The following FN1 variants were observed in gnomAD, a reference collection of about 807,000 sequenced individuals.
FN1 encodes the protein fibronectin 1.
In FN1, 106 loss-of-function variants were observed where a neutral mutation model predicts 297.3. The ratio of observed to expected loss-of-function variants is 0.36; its 90% CI spans 0.30 to 0.42. The LOEUF (loss-of-function observed/expected upper bound fraction) is 0.42, where lower values mean the gene tolerates loss of function less well. FN1 is among the 10% of genes least tolerant of loss of function. The probability of loss-of-function intolerance (pLI) is 1.00; values close to 1 mark genes in which losing one functional copy is unlikely to be tolerated. For missense variants in FN1, 2,690 were observed against 3,124.9 expected, an observed-to-expected ratio of 0.86 and a Z score of 3.32; for synonymous variants, 1,149 against 1,152.6, an observed-to-expected ratio of 1.00 and a Z score of 0.06.
In FN1 at chr2:215,404,413, T is replaced by C; in HGVS notation, c.3229A>G (p.Lys1077Glu). Residue 1077 changes from lysine (K) to glutamate (E), a missense_variant, in exon 20 of 46, where the codon AAA (lysine) becomes GAA (glutamate). Around this residue, in one of 3 missense-constraint regions of FN1, gnomAD observed 1,743 missense variants for 1,945.2 expected, o/e 0.90. Transcript: ENST00000354785. The part of the protein sequence containing the change: ...VAIKGNQESP[K>E]ATGVFTTLQP... ...CGTGTGGTAAAGACTCCAGTGGCTT[T>C]GGGGCTCTCTTGGTTGCCCTTTATG... 6.2e-7 allele frequency: 1 copy of C among 1,614,172 alleles called. No individual in the cohort carries two copies. The highest frequency in any genetic ancestry group is 8.5e-7 in the Non-Finnish European group (1 of 1,180,008).
At chr2:215,375,774 C>G (rs1471768307) in intron 36 of FN1, 56 bp from the exon 37 acceptor site, 1 of 1,154,644 alleles carries the variant, frequency 8.7e-7, no homozygotes, top group Non-Finnish European at 1.3e-6. Context: ...TAGGAGAATT[C>G]TCAAGCTAGC....
chr2:215,436,032 C>T lies in FN1; in HGVS notation c.-230G>A, dbSNP rs1432091501. ...CCTCTTCCCGCTCGCGCCTGGGGTTCCCTCTCCTCCCCCTGTGCAGCACAG... is the reference window on the plus strand; with the variant it reads ...CCTCTTCCCGCTCGCGCCTGGGGTTTCCTCTCCTCCCCCTGTGCAGCACAG... On this transcript the variant is annotated 5_prime_UTR_variant, in exon 1 of 46. Transcript: ENST00000354785. 1 of 874,900 alleles carries T rather than the reference C, an allele frequency of 1.1e-6. No individual in the cohort carries two copies. The allele number at this position is 874,900 out of a possible 1,614,324, so 54.2% of individuals were successfully genotyped here.
In FN1 at chr2:215,375,219, A is replaced by G; in HGVS notation, c.6152T>C (p.Ile2051Thr). 6.2e-7 allele frequency: 1 copy of G among 1,614,126 alleles called. No individual in the cohort carries two copies. The highest frequency in any genetic ancestry group is 8.5e-7 in the Non-Finnish European group (1 of 1,179,972). ...CAGCATGGAAGCAGCAATACCAGTA[A>G]TAGTAGCCTCTGTGACACCAGGGCG... is the stretch of plus-strand genomic sequence containing the variant. ...RPRPGVTEATITGLEPGTEYT... is the reference protein window; with the variant it reads ...RPRPGVTEATTTGLEPGTEYT... The change falls in exon 38 of 46, where the codon ATT becomes ACT. Residue 2051 changes from isoleucine to threonine, a missense_variant. Ile to Thr is a moderately conservative substitution (Grantham distance 89, BLOSUM62 -1). Around this residue, in one of 3 missense-constraint regions of FN1, gnomAD observed 1,743 missense variants for 1,945.2 expected, o/e 0.90. Transcript: ENST00000354785.
At chr2:215,415,821 A>G (rs2063358601) in intron 12 of FN1, among the ~76,000 whole-genome samples, 1 of 152,154 alleles carries the variant, frequency 6.6e-6, no homozygotes, top group African/African-American at 2.4e-5. Context: ...ACTCCATTTA[A>G]GATAATAATG....
At chr2:215,411,345 C>T (rs1200209370) in intron 13 of FN1, among the ~76,000 whole-genome samples, 3 of 152,142 alleles carry the variant, frequency 2.0e-5, no homozygotes, top group Non-Finnish European at 4.4e-5. Context: ...AAAAATTACC[C>T]AGTCAACCAT....
chr2:215,400,870 A>G (rs1423203927), intron 20 of FN1, among the ~76,000 whole-genome samples: 1 of 149,698 alleles, frequency 6.7e-6, no homozygotes, highest in African/African-American at 2.5e-5. Context: ...ATCTCATCTC[A>G]CTGTAACCTC....
intron 26 of FN1, among the ~76,000 whole-genome samples, chr2:215,390,078 A>G (rs1436597083): frequency 2.6e-5 from 4 of 152,242 alleles, no homozygotes; most frequent in East Asian, 3.8e-4. Context: ...AAAGTTTGGA[A>G]AAGTGCCAGA....
chr2:215,396,409 G>A (rs921770432), intron 23 of FN1, among the ~76,000 whole-genome samples: 6 of 151,884 alleles, frequency 4.0e-5, no homozygotes, highest in African/African-American at 9.7e-5. Flanking sequence ...ATACATTTTA[G>A]CATTTTATAA....
intron 5 of FN1, among the ~76,000 whole-genome samples, chr2:215,429,225 C>T (rs982466505): frequency 6.6e-6 from 1 of 152,148 alleles, no homozygotes; most frequent in Admixed American, 6.5e-5. Context: ...TTCCCCTATA[C>T]CCAAACATCT....
intron 27 of FN1, among the ~76,000 whole-genome samples, 167 bp downstream of exon 27, chr2:215,388,045 G>GT (rs1399505484): frequency 6.6e-6 from 1 of 152,166 alleles, no homozygotes; most frequent in East Asian, 1.9e-4. Flanking sequence ...GTTGAGTAAG[G>GT]TATCTTTTAG....
At chr2:215,407,947 A>G (rs55902160) in intron 17 of FN1, among the ~76,000 whole-genome samples, 161 bp downstream of exon 17, 21 of 118,870 alleles carry the variant, frequency 1.8e-4, no homozygotes, top group Middle Eastern at 4.3e-3. Flanking sequence ...TAACTCCCCC[A>G]CCCCCGCCAC....
At chr2:215,427,105 G>C (rs138618465) in intron 6 of FN1, among the ~76,000 whole-genome samples, 7 of 152,072 alleles carry the variant, frequency 4.6e-5, no homozygotes, top group Admixed American at 2.6e-4. Context: ...TTGATCTCCT[G>C]ACCTCGTGAT....
chr2:215,412,407 A>T (rs58298905), intron 13 of FN1, among the ~76,000 whole-genome samples: 1 of 151,766 alleles, frequency 6.6e-6, no homozygotes, highest in Non-Finnish European at 1.5e-5. Flanking sequence ...ATATTTACAG[A>T]GTCTTTAATA....
chr2:215,412,147 C>T (rs1382322953), intron 13 of FN1, among the ~76,000 whole-genome samples: 1 of 151,322 alleles, frequency 6.6e-6, no homozygotes, highest in Middle Eastern at 3.5e-3. Flanking sequence ...CTGCAAATGG[C>T]CAGATTATGG....
chr2:215,389,175 C>T (rs976070897), intron 26 of FN1, among the ~76,000 whole-genome samples: 9 of 152,166 alleles, frequency 5.9e-5, no homozygotes, highest in South Asian at 4.2e-4. Flanking sequence ...GTGATCTTGG[C>T]TCACTGAAAC....
At chr2:215,375,035 C>T (rs2057013375) in intron 38 of FN1, among the ~76,000 whole-genome samples, 179 bp downstream of exon 38, 2 of 152,194 alleles carry the variant, frequency 1.3e-5, no homozygotes, top group South Asian at 4.1e-4. Flanking sequence ...TTCCTTCACT[C>T]ATGCCTTTTG....
chr2:215,430,996 C>T, intron 4 of FN1, 144 bp from the exon 5 acceptor site: 1 of 816,162 alleles, frequency 1.2e-6, no homozygotes, highest in South Asian at 1.5e-5. Context: ...ATGACACACC[C>T]AGCATCTAAG....
At chr2:215,390,535 G>T (rs538422820) in intron 26 of FN1, among the ~76,000 whole-genome samples, 1 of 152,208 alleles carries the variant, frequency 6.6e-6, no homozygotes, top group African/African-American at 2.4e-5. Context: ...GAGGGAGAGG[G>T]GCTACCCTGA....
At chr2:215,431,266 G>T (rs930666158) in intron 4 of FN1, among the ~76,000 whole-genome samples, 9 of 152,148 alleles carry the variant, frequency 5.9e-5, no homozygotes, top group Middle Eastern at 6.8e-3. Flanking sequence ...TTAAATATTG[G>T]AAAGCAAAAC....
Sources: gnomAD v4.1 joint callset for allele counts (sites outside exome capture counted in the v4.1 genomes callset) on GRCh38, gnomAD v4.1.1 for gene constraint, gnomAD v4.1.1 regional missense constraint, MANE v1.5 for transcripts, NCBI Gene and HGNC (gene_info 2026-07-23, HGNC 2026-07-21) for gene names.